SCARA5: variants seen among roughly 807,000 people sequenced by gnomAD.
SCARA5 encodes scavenger receptor class A member 5, also known as scavenger receptor class A, member 5 (putative).
SCARA5 carries 45 observed loss-of-function variants against 46.3 expected under a neutral mutation model. The ratio of observed to expected loss-of-function variants is 0.97; its 90% CI spans 0.76 to 1.24. The LOEUF (loss-of-function observed/expected upper bound fraction) is 1.24, where lower values mean the gene tolerates loss of function less well. Among genes scored for constraint, SCARA5 ranks in the 50% most tolerant of loss-of-function variants. SCARA5 has a pLI of 0.00. For missense variants in SCARA5, 680 were observed against 689.0 expected (o/e 0.99, Z 0.15); for synonymous variants, 333 against 306.5 (o/e 1.09, Z -0.90).
rs117758127 is a variant in SCARA5 at position 27,991,371 on chromosome 8, T to C, written c.-16+886A>G. On this transcript the variant is annotated intron_variant, in intron 1 of 8. Transcript: ENST00000354914. ...TGCCTGGCAGCCAGGTAAGGGGGTG[T>C]CCAGGTTCCCAAGGCCTCCCTCCTA... is the stretch of plus-strand genomic sequence containing the variant. 6.5e-4 allele frequency among the ~76,000 whole-genome samples: 99 copies of C among 152,272 alleles called. 1 individual carries two copies. In the East Asian group the frequency reaches 0.018, roughly 28 times the overall value.
At chr8:27,879,276 G>A (rs1275658025) in intron 8 of SCARA5, among the ~76,000 whole-genome samples, 4 of 152,160 alleles carry the variant, frequency 2.6e-5, no homozygotes, top group Non-Finnish European at 5.9e-5. Flanking sequence ...CAGGGAGAGA[G>A]AGACCACAGC....
chr8:27,924,528 C>G (rs780887353), intron 3 of SCARA5, among the ~76,000 whole-genome samples: 1 of 152,184 alleles, frequency 6.6e-6, no homozygotes, highest in Non-Finnish European at 1.5e-5. Context: ...GACTTCTCCC[C>G]CACCCAGCAC....
intron 3 of SCARA5, among the ~76,000 whole-genome samples, chr8:27,932,079 A>G (rs1267622189): frequency 1.3e-5 from 2 of 152,100 alleles, no homozygotes; most frequent in East Asian, 3.9e-4. Context: ...TTCTGGGCTC[A>G]AGAGATCCTC....
At chr8:27,891,640 CT>C (rs1371480985) in intron 7 of SCARA5, among the ~76,000 whole-genome samples, 1 of 152,250 alleles carries the variant, frequency 6.6e-6, no homozygotes, top group African/African-American at 2.4e-5. Flanking sequence ...GACAGGGCCC[CT>C]GTCCCCCGTG....
At position 27,940,007 on chromosome 8, in the gene SCARA5, T is replaced by G. The variant is rs1319552587; in HGVS notation, c.242-17762A>C. Reference sequence around the variant, plus strand: ...CCTCCTGGCCACAGTCCCATGAGGCTGTAATCTGAAATCAGTGAGGGCGGC... The same window carrying G: ...CCTCCTGGCCACAGTCCCATGAGGCGGTAATCTGAAATCAGTGAGGGCGGC... On this transcript the variant is annotated intron_variant, in intron 3 of 8. Transcript: ENST00000354914. 2.0e-5 allele frequency among the ~76,000 whole-genome samples: 3 copies of G among 152,226 alleles called. No homozygotes were observed. The South Asian group carries it at 6.2e-4, about 32-fold the overall frequency.
At chr8:27,942,266 C>A (rs998847429) in intron 3 of SCARA5, among the ~76,000 whole-genome samples, 2 of 152,142 alleles carry the variant, frequency 1.3e-5, no homozygotes, top group Non-Finnish European at 2.9e-5. Context: ...CCACCTCCTC[C>A]CTATGATTGT....
intron 3 of SCARA5, among the ~76,000 whole-genome samples, chr8:27,943,690 T>C (rs1807986667): frequency 6.6e-6 from 1 of 152,192 alleles, no homozygotes; most frequent in Admixed American, 6.5e-5. Context: ...CACACCACTG[T>C]CTGCAGCCAC....
At chr8:27,931,261 G>A (rs1343903059) in intron 3 of SCARA5, among the ~76,000 whole-genome samples, 1 of 152,180 alleles carries the variant, frequency 6.6e-6, no homozygotes, top group Non-Finnish European at 1.5e-5. Context: ...GCCCCATGCT[G>A]GGGGTTTAAT....
intron 4 of SCARA5, among the ~76,000 whole-genome samples, chr8:27,918,689 AAGGAAGATGAGGAGGAAAAGG>A: frequency 2.1e-4 from 1 of 4,710 alleles, no homozygotes; most frequent in African/African-American, 6.9e-4. Flanking sequence ...TGAGGAGGAA[AAGGAAGATGAGGAGGAAAAGG>A]AGGAAGATGA....
At chr8:27,930,043 C>G (rs187779005) in intron 3 of SCARA5, among the ~76,000 whole-genome samples, 14 of 152,264 alleles carry the variant, frequency 9.2e-5, no homozygotes, top group East Asian at 3.9e-4. Flanking sequence ...TATGGTCCCC[C>G]CCAGTCCTGC....
At chr8:27,983,036 T>A (rs1808647996) in intron 2 of SCARA5, among the ~76,000 whole-genome samples, 2 of 152,176 alleles carry the variant, frequency 1.3e-5, no homozygotes, top group Non-Finnish European at 2.9e-5. Flanking sequence ...ACTCAGCCCA[T>A]ACCCCAAGGG....
chr8:27,953,362 A>C (rs1471630898), intron 3 of SCARA5, among the ~76,000 whole-genome samples: 1 of 152,258 alleles, frequency 6.6e-6, no homozygotes. Context: ...CATCTCCTGC[A>C]CTTGCCAGCT....
intron 3 of SCARA5, among the ~76,000 whole-genome samples, chr8:27,955,895 G>C (rs1585512058): frequency 6.6e-6 from 1 of 152,184 alleles, no homozygotes. Flanking sequence ...ATGAACATGG[G>C]GGGCAGGTGA....
intron 6 of SCARA5, among the ~76,000 whole-genome samples, chr8:27,906,674 T>C (rs1256179965): frequency 1.3e-5 from 2 of 152,354 alleles, no homozygotes; most frequent in Middle Eastern, 3.4e-3. Context: ...CTGTGAGATA[T>C]AGTATCATGA....
intron 7 of SCARA5, among the ~76,000 whole-genome samples, chr8:27,898,133 C>T (rs1280256130): frequency 6.6e-6 from 1 of 152,264 alleles, no homozygotes; most frequent in Non-Finnish European, 1.5e-5. Flanking sequence ...TATTTTACCA[C>T]TTGACTTCTT....
intron 3 of SCARA5, among the ~76,000 whole-genome samples, chr8:27,928,384 G>A (rs1807715180): frequency 6.6e-6 from 1 of 152,202 alleles, no homozygotes; most frequent in South Asian, 2.1e-4. Context: ...CCCTGAGTAT[G>A]TGCCAAGCAC....
chr8:27,944,299 A>G (rs1221146922), intron 3 of SCARA5, among the ~76,000 whole-genome samples: 3 of 152,228 alleles, frequency 2.0e-5, no homozygotes, highest in African/African-American at 7.2e-5. Context: ...TATAATCAGC[A>G]TTAGATTTCT....
At position 27,904,848 on chromosome 8, in the gene SCARA5, G is replaced by C; in HGVS notation, c.1097-14C>G. On this transcript the variant is annotated splice_polypyrimidine_tract_variant and intron_variant, in intron 6 of 8. Coordinates refer to ENST00000354914, the MANE Select transcript of SCARA5 (RefSeq NM_173833.6). ...GGCCTCGGTCACCTAAAACAGAGGA[G>C]GAAACTGGCATTAGAAATGGAAAGA... is the stretch of plus-strand genomic sequence containing the variant. The C allele has an allele frequency of 1.3e-6, 2 of 1,594,742 alleles. No homozygotes were observed. Among genetic ancestry groups the C allele is most frequent in the South Asian group, 1.1e-5 (1 of 89,044 alleles).
intron 7 of SCARA5, among the ~76,000 whole-genome samples, chr8:27,887,718 C>T (rs1021601933): frequency 6.6e-6 from 1 of 152,140 alleles, no homozygotes; most frequent in Non-Finnish European, 1.5e-5. Context: ...GAACTGGGGA[C>T]CACAAGCCCG....
Sources: gnomAD v4.1 joint callset for allele counts (sites outside exome capture counted in the v4.1 genomes callset) on GRCh38, gnomAD v4.1.1 for gene constraint, MANE v1.5 for transcripts, NCBI Gene and HGNC (gene_info 2026-07-23, HGNC 2026-07-21) for gene names.